ATRNL1: variants seen among roughly 807,000 people sequenced by gnomAD.
ATRNL1 encodes attractin like 1.
A neutral mutation model predicts 182.7 loss-of-function variants in ATRNL1; 95 were observed. The observed-to-expected ratio is 0.52, with a 90% CI of 0.44 to 0.62. The LOEUF (loss-of-function observed/expected upper bound fraction) is 0.62, where lower values mean the gene tolerates loss of function less well. Ranked by LOEUF, ATRNL1 falls within the 20% of genes least tolerant of loss-of-function variation. The pLI is 0.00. For missense variants in ATRNL1, 1,471 were observed against 1,679.5 expected (o/e 0.88, Z 2.17); for synonymous variants, 576 against 568.3 (o/e 1.01, Z -0.19).
At chr10:115,632,469 G>A (rs1048802059) in intron 26 of ATRNL1, among the ~76,000 whole-genome samples, 24 of 152,074 alleles carry the variant, frequency 1.6e-4, no homozygotes, top group Non-Finnish European at 3.1e-4. Context: ...ATAAGAAAGA[G>A]GATGGTTCTT....
At chr10:115,187,647 G>A (rs1004192964) in intron 8 of ATRNL1, among the ~76,000 whole-genome samples, 41 of 136,564 alleles carry the variant, frequency 3.0e-4, no homozygotes, top group African/African-American at 8.4e-4. Context: ...ATATGGTTAT[G>A]TATAATAGAA....
intron 26 of ATRNL1, among the ~76,000 whole-genome samples, chr10:115,656,395 G>A (rs1860332971): frequency 6.6e-6 from 1 of 152,120 alleles, no homozygotes; most frequent in South Asian, 2.1e-4. Context: ...CCCCATATCT[G>A]TATGGGATTC....
At chr10:115,932,158 G>A (rs1050070373) in intron 28 of ATRNL1, among the ~76,000 whole-genome samples, 11 of 152,186 alleles carry the variant, frequency 7.2e-5, no homozygotes, top group Non-Finnish European at 1.3e-4. Flanking sequence ...GCATTTATGG[G>A]ATATACTCAG....
intron 10 of ATRNL1, among the ~76,000 whole-genome samples, chr10:115,246,299 T>C (rs1554904073): frequency 6.6e-6 from 1 of 152,180 alleles, no homozygotes; most frequent in Admixed American, 6.5e-5. Flanking sequence ...CCTTTTGATA[T>C]TAACACTATA....
chr10:115,101,899 GA>G (rs1843785949), intron 1 of ATRNL1, among the ~76,000 whole-genome samples: 2 of 152,186 alleles, frequency 1.3e-5, no homozygotes, highest in South Asian at 2.1e-4. Flanking sequence ...TATATGACTA[GA>G]ATCCTTTAAA....
At chr10:115,317,054 A>C (rs1342097138) in intron 18 of ATRNL1, among the ~76,000 whole-genome samples, 1 of 152,148 alleles carries the variant, frequency 6.6e-6, no homozygotes. Context: ...TTTGGGTTTT[A>C]CATTTAACTG....
In ATRNL1 at chr10:115,448,360, GA is replaced by G. The variant is rs1318568413; in HGVS notation, c.3323-13577del. 3.3e-5 allele frequency among the ~76,000 whole-genome samples: 5 copies of G among 152,222 alleles called. No individual in the cohort carries two copies. The East Asian group carries it at 9.6e-4, about 29-fold the overall frequency. ...TAACAAACACACTCTTGGACCATGT[GA>G]AAATAGCAGTCAGGACAAAGAAAAT... On this transcript the variant is annotated intron_variant, in intron 21 of 28. Transcript: ENST00000355044.
chr10:115,946,554 G>A lies in ATRNL1; in HGVS notation c.*1775G>A, dbSNP rs1292998445. ...GCTATTTTCCATGCATTAAAAATAA[G>A]ACAAATTCTTAGAGTAATTTTAGTA... On this transcript the variant is annotated 3_prime_UTR_variant, in exon 29 of 29. Transcript: ENST00000355044. 6.6e-6 allele frequency: 1 copy of A among 152,064 alleles called. No homozygotes were observed. Among genetic ancestry groups the A allele is most frequent in the African/African-American group, 2.4e-5 (1 of 41,398 alleles). The allele number at this position is 152,064 out of a possible 1,614,324, so 9.4% of individuals were successfully genotyped here.
intron 27 of ATRNL1, among the ~76,000 whole-genome samples, chr10:115,803,498 C>T (rs1555084909): frequency 6.6e-6 from 1 of 151,926 alleles, no homozygotes; most frequent in Non-Finnish European, 1.5e-5. Context: ...AATAGAATCA[C>T]ATTCTATTTT....
At chr10:115,546,895 A>G (rs782144237) in intron 25 of ATRNL1, among the ~76,000 whole-genome samples, 3 of 152,174 alleles carry the variant, frequency 2.0e-5, no homozygotes, top group Non-Finnish European at 4.4e-5. Flanking sequence ...TATATAAAGA[A>G]GTTTTAGCAT....
chr10:115,334,205 A>G (rs531039647), intron 18 of ATRNL1, 77 bp from the exon 19 acceptor site: 19 of 986,550 alleles, frequency 1.9e-5, no homozygotes, highest in Non-Finnish European at 2.5e-5. Context: ...GCTTTTTAAG[A>G]TACATTCTTT....
Position 115,300,076 on chromosome 10 carries a change from T to C in ATRNL1, c.2458T>C (p.Tyr820His). Residue 820 changes from tyrosine to histidine, a missense_variant, in exon 16 of 29, where the codon TAT (tyrosine) becomes CAT (histidine). By Grantham distance (83) the Tyr-to-His change is moderately conservative (BLOSUM62 2). Coordinates refer to ENST00000355044, the MANE Select transcript of ATRNL1 (RefSeq NM_207303.4). ...WVGLRKINIS[Y>H]WGWEDMSPFT... Reference sequence around the variant, plus strand: ...AGGCTTGCGCAAGATCAATATATCCTATTGGGGATGGGAAGACATGTCTCC... The same window carrying C: ...AGGCTTGCGCAAGATCAATATATCCCATTGGGGATGGGAAGACATGTCTCC... 1 of 1,614,046 alleles carries C rather than the reference T, an allele frequency of 6.2e-7. No individual in the cohort carries two copies. The highest frequency in any genetic ancestry group is 8.5e-7 in the Non-Finnish European group (1 of 1,179,890).
chr10:115,466,487 A>C (rs782406765), intron 22 of ATRNL1, among the ~76,000 whole-genome samples: 25 of 151,296 alleles, frequency 1.7e-4, no homozygotes, highest in Non-Finnish European at 2.8e-4. Context: ...TCTTGGAGTA[A>C]GAAAATCACA....
At chr10:115,810,171 T>C (rs546091564) in intron 27 of ATRNL1, among the ~76,000 whole-genome samples, 1 of 151,980 alleles carries the variant, frequency 6.6e-6, no homozygotes, top group East Asian at 1.9e-4. Context: ...TTTTTGTGCA[T>C]GGCTAGATTC....
At chr10:115,789,792 C>G (rs1053667002) in intron 27 of ATRNL1, among the ~76,000 whole-genome samples, 1 of 152,036 alleles carries the variant, frequency 6.6e-6, no homozygotes, top group Non-Finnish European at 1.5e-5. Flanking sequence ...AATTTTGCCT[C>G]GAAGTAAAAG....
Position 115,446,612 on chromosome 10 carries a change from A to G in ATRNL1, c.3323-15329A>G, listed in dbSNP as rs371228416. Among the ~76,000 whole-genome samples, 25 of 152,100 alleles carry G rather than the reference A, an allele frequency of 1.6e-4. No individual in the cohort carries two copies. In the East Asian group the frequency reaches 4.4e-3, roughly 27 times the overall value. On this transcript the variant is annotated intron_variant, in intron 21 of 28. Coordinates refer to ENST00000355044, the MANE Select transcript of ATRNL1 (RefSeq NM_207303.4). ...TTTCTCTTCTTACCATTGCAAGTCA[A>G]AATAATGTAAGAAAAGCAAAAATGT...
chr10:115,910,364 G>A (rs1233075589), intron 28 of ATRNL1, among the ~76,000 whole-genome samples: 1 of 152,076 alleles, frequency 6.6e-6, no homozygotes, highest in Non-Finnish European at 1.5e-5. Flanking sequence ...TTAATAAGTG[G>A]TGTTTGTCAA....
rs140230152 is a variant in ATRNL1 at position 115,570,493 on chromosome 10, T to C, written c.3795+20957T>C. 7.9e-5 allele frequency among the ~76,000 whole-genome samples: 12 copies of C among 152,342 alleles called. No homozygotes were observed. The East Asian group carries it at 2.3e-3, about 29-fold the overall frequency. ...TTTATGGTTTCTGGAATTTGAGTCATAGGTAGAAAGACTCAGCTTACTTCA... is the reference window on the plus strand; with the variant it reads ...TTTATGGTTTCTGGAATTTGAGTCACAGGTAGAAAGACTCAGCTTACTTCA... On this transcript the variant is annotated intron_variant, in intron 26 of 28. Transcript: ENST00000355044.
At chr10:115,226,255 T>A (rs1412588284) in intron 9 of ATRNL1, among the ~76,000 whole-genome samples, 1 of 151,940 alleles carries the variant, frequency 6.6e-6, no homozygotes, top group Non-Finnish European at 1.5e-5. Flanking sequence ...TAAACAAAGA[T>A]CTGTTTCAGA....
Sources: gnomAD v4.1 joint callset for allele counts (sites outside exome capture counted in the v4.1 genomes callset) on GRCh38, gnomAD v4.1.1 for gene constraint, MANE v1.5 for transcripts, NCBI Gene and HGNC (gene_info 2026-07-23, HGNC 2026-07-21) for gene names.